PFKFB2: variants seen among roughly 807,000 people sequenced by gnomAD.
The protein encoded by PFKFB2 is 6-phosphofructo-2-kinase/fructose-2,6-biphosphatase 2.
In PFKFB2, 53 loss-of-function variants were observed where a neutral mutation model predicts 68.0. The observed-to-expected ratio is 0.78, with a 90% confidence interval of 0.63 to 0.98. The LOEUF (loss-of-function observed/expected upper bound fraction) is 0.98, where lower values mean the gene tolerates loss of function less well. Ranked by LOEUF, PFKFB2 falls within the 50% of genes least tolerant of loss-of-function variation. PFKFB2 has a pLI of 0.00. For synonymous variants in PFKFB2, 222 were observed against 227.6 expected, an observed-to-expected ratio of 0.98 and a Z score of 0.22; for missense variants, 451 against 642.0, an observed-to-expected ratio of 0.70 and a Z score of 3.22.
At chr1:207,049,006 C>T, upstream of PFKFB2, 1 of 1,606,992 alleles carries the variant, frequency 6.2e-7, no homozygotes, top group Non-Finnish European at 8.5e-7. Flanking sequence ...CTTCAACCCT[C>T]ATTCATGCAT....
upstream of PFKFB2, chr1:207,048,975 C>G: frequency 6.4e-7 from 1 of 1,556,040 alleles, no homozygotes; most frequent in Non-Finnish European, 8.7e-7. Flanking sequence ...CCAGAGCCTT[C>G]TGGATGTGTG....
At chr1:207,039,636 A>G (rs541917963) in intron 1 of PFKFB2, among the ~76,000 whole-genome samples, 1 of 152,244 alleles carries the variant, frequency 6.6e-6, no homozygotes, top group South Asian at 2.1e-4. Context: ...CCAAGATTAC[A>G]TGTTTTAAAA....
downstream of PFKFB2, chr1:207,078,915 G>A (rs1292919584): frequency 1.3e-6 from 2 of 1,557,278 alleles, no homozygotes; most frequent in Non-Finnish European, 1.8e-6. Context: ...GCTTGGCAGT[G>A]CTGTAATAGC....
rs1326125807 is a variant in PFKFB2, at chr1:207,054,796, A to C, written c.79A>C (p.Lys27Gln). ...KTPNLRMSEK[K>Q]CSWASYMTNS... is the part of the protein sequence containing the mutation. ...CCCAAATCTTCGAATGTCAGAGAAG[A>C]AATGTTGTGAGTTCTGGCAGAGAGG... is the stretch of plus-strand genomic sequence containing the variant. The change falls in exon 2 of 15, where the codon AAA (lysine) becomes CAA (glutamine). Residue 27 changes from lysine to glutamine, a missense_variant. Transcript: ENST00000367080. The C allele has an allele frequency of 6.2e-7, 1 of 1,611,672 alleles. No individual in the cohort carries two copies. The highest frequency in any genetic ancestry group is 1.1e-5 in the South Asian group (1 of 90,700).
Position 207,077,041 on chromosome 1 carries a change from A to G in PFKFB2, c.*4670A>G, listed in dbSNP as rs1371388081. On this transcript the variant is annotated 3_prime_UTR_variant, in exon 15 of 15. Coordinates refer to ENST00000367080, the MANE Select transcript of PFKFB2 (RefSeq NM_006212.2). ...AGTGGCCAAATTCTCATTATTTTGT[A>G]CAAGATAAAGGTTATGCATCACTTT... 1.0e-6 allele frequency: 1 copy of G among 984,510 alleles called. No homozygotes were observed. The highest frequency in any genetic ancestry group is 1.2e-6 in the Non-Finnish European group (1 of 829,172). The allele number at this position is 984,510 out of a possible 1,614,324, so 61.0% of individuals were successfully genotyped here.
At chr1:207,054,826 A>G in intron 2 of PFKFB2, 24 bp downstream of exon 2, 1 of 1,487,824 alleles carries the variant, frequency 6.7e-7, no homozygotes. Flanking sequence ...GAGAGGAGGG[A>G]CTGCTCTCTC....
chr1:207,068,394 C>G (rs1683365321), intron 10 of PFKFB2, 85 bp downstream of exon 10: 1 of 1,182,566 alleles, frequency 8.5e-7, no homozygotes, highest in East Asian at 2.6e-5. Flanking sequence ...ACAGTTTTAT[C>G]TAGGAAACTA....
At position 207,072,991 on chromosome 1, in the gene PFKFB2, C is replaced by T; in HGVS notation, c.*620C>T. 1.0e-6 allele frequency: 1 copy of T among 985,538 alleles called. No homozygotes were observed. The highest frequency in any genetic ancestry group is 1.2e-6 in the Non-Finnish European group (1 of 830,060). The allele number at this position is 985,538 out of a possible 1,614,324, so 61.0% of individuals were successfully genotyped here. On this transcript the variant is annotated 3_prime_UTR_variant, in exon 15 of 15. Transcript: ENST00000367080. ...CTTTCTGCAGTGGGTCTAAATGGAT[C>T]TGGACTGGAGGAGTCTTTCCTTTCC... is the stretch of plus-strand genomic sequence containing the variant.
chr1:207,075,364 C>A lies in PFKFB2; in HGVS notation c.*2993C>A. 1.0e-6 allele frequency: 1 copy of A among 985,416 alleles called. No homozygotes were observed. The highest frequency in any genetic ancestry group is 1.2e-6 in the Non-Finnish European group (1 of 829,924). 61.0% of individuals were successfully genotyped at this position (985,416 alleles called of 1,614,324 possible). ...CTTCAGCATCCTTTAGTTTCTAAAG[C>A]AAGATCCCTTCAGAGAAGTCTAGCA... On this transcript the variant is annotated 3_prime_UTR_variant, in exon 15 of 15. Transcript: ENST00000367080.
intron 11 of PFKFB2, 38 bp downstream of exon 11, chr1:207,069,566 C>T (rs1683405729): frequency 7.7e-7 from 1 of 1,299,330 alleles, no homozygotes; most frequent in African/African-American, 1.5e-5. Flanking sequence ...CTGCCTAGAC[C>T]CTTGCTGAGT....
intron 7 of PFKFB2, among the ~76,000 whole-genome samples, chr1:207,064,659 C>A (rs1417013045): frequency 1.3e-5 from 2 of 152,156 alleles, no homozygotes; most frequent in African/African-American, 4.8e-5. Context: ...TGAGGAAGAG[C>A]CATCTGGTCC....
Position 207,073,905 on chromosome 1 carries a change from T to G in PFKFB2, c.*1534T>G. 1 of 985,352 alleles carries G rather than the reference T, an allele frequency of 1.0e-6. No individual in the cohort carries two copies. The highest frequency in any genetic ancestry group is 1.2e-6 in the Non-Finnish European group (1 of 829,828). 61.0% of individuals were successfully genotyped at this position (985,352 alleles called of 1,614,324 possible). A position where few individuals can be genotyped will look rare whatever the true frequency, so the allele number is the denominator to read the frequency against. On this transcript the variant is annotated 3_prime_UTR_variant, in exon 15 of 15. Coordinates refer to ENST00000367080, the MANE Select transcript of PFKFB2 (RefSeq NM_006212.2). ...AGATAGGTGACTCCCCACCTTAAAG[T>G]TATCTGCTGGTCTTTTAGAGGTAAC...
At position 207,074,852 on chromosome 1, in the gene PFKFB2, C is replaced by T; in HGVS notation, c.*2481C>T. 1 of 985,444 alleles carries T rather than the reference C, an allele frequency of 1.0e-6. No homozygotes were observed. The highest frequency in any genetic ancestry group is 1.2e-6 in the Non-Finnish European group (1 of 829,942). The allele number at this position is 985,444 out of a possible 1,614,324, so 61.0% of individuals were successfully genotyped here. ...GTGTTCAACCATCACATCGCTTCTC[C>T]TGACTTTTCTGTTGTCCTATGGCTA... On this transcript the variant is annotated 3_prime_UTR_variant, in exon 15 of 15. Transcript: ENST00000367080.
chr1:207,069,488 G>A lies in PFKFB2; in HGVS notation c.1052G>A (p.Arg351Gln), dbSNP rs1483577508. ...CGGTACCCAGAAGAGTTTGCACTTCGAGATCAAGAGAAGTATCTGTATCGA... is the reference window on the plus strand; with the variant it reads ...CGGTACCCAGAAGAGTTTGCACTTCAAGATCAAGAGAAGTATCTGTATCGA... ...EKRYPEEFAL[R>Q]DQEKYLYRYP... The change falls in exon 11 of 15, where the codon CGA (arginine) becomes CAA (glutamine). Residue 351 changes from arginine to glutamine, a missense_variant. Coordinates refer to ENST00000367080, the MANE Select transcript of PFKFB2 (RefSeq NM_006212.2). The A allele has an allele frequency of 1.2e-6, 2 of 1,613,568 alleles. No homozygotes were observed. The highest frequency in any genetic ancestry group is 1.7e-5 in the Admixed American group (1 of 59,996).
At position 207,062,664 on chromosome 1, in the gene PFKFB2, A is replaced by C. The variant is rs1683152997; in HGVS notation, c.256A>C (p.Lys86Gln). Residue 86 changes from lysine to glutamine, a missense_variant, in exon 4 of 15, where the codon AAG (lysine) becomes CAG (glutamine). Physicochemically the swap from Lys to Gln is moderately conservative, Grantham distance 53 (BLOSUM62 1). Coordinates refer to ENST00000367080, the MANE Select transcript of PFKFB2 (RefSeq NM_006212.2). ...TCGGCGTGAAGCAGTCAAGTCCTAT[A>C]AGTCCTACGACTTCTTTCGGCATGA... ...VYRREAVKSY[K>Q]SYDFFRHDNE... is the part of the protein sequence containing the mutation. 1.9e-6 allele frequency: 3 copies of C among 1,614,004 alleles called. No homozygotes were observed. Among genetic ancestry groups the C allele is most frequent in the Non-Finnish European group, 2.5e-6 (3 of 1,180,022 alleles).
chr1:207,038,863 C>T (rs987483872), intron 1 of PFKFB2, among the ~76,000 whole-genome samples: 18 of 152,042 alleles, frequency 1.2e-4, no homozygotes, highest in African/African-American at 4.4e-4. Flanking sequence ...CAAATTATAC[C>T]CACCACCTAG....
upstream of PFKFB2, chr1:207,050,743 C>G (rs900231254): frequency 6.2e-7 from 1 of 1,613,378 alleles, no homozygotes; most frequent in Non-Finnish European, 8.5e-7. Flanking sequence ...GATCCAGGCA[C>G]TCGGGAGGGT....
rs975145665 is a variant in PFKFB2, at chr1:207,070,467, T to C, written c.1222+58T>C. ...CAGTGGGAGAGGGCTGGACTTGCAG[T>C]GGCACCAGGATTCCTGGGAAACAGA... On this transcript the variant is annotated intron_variant, in intron 12 of 14. Transcript: ENST00000367080. This position sits in a 1 kb window ranked among gnomAD's most constrained non-coding sequence, Gnocchi z 4.2. 2.5e-6 allele frequency: 4 copies of C among 1,579,260 alleles called. No homozygotes were observed. The highest frequency in any genetic ancestry group is 3.5e-6 in the Non-Finnish European group (4 of 1,156,770).
In PFKFB2 at chr1:207,073,222, A is replaced by G. The variant is rs1683520239; in HGVS notation, c.*851A>G. On this transcript the variant is annotated 3_prime_UTR_variant, in exon 15 of 15. Coordinates refer to ENST00000367080, the MANE Select transcript of PFKFB2 (RefSeq NM_006212.2). The stretch of plus-strand genomic sequence containing the variant: ...TGGTTTTTATTTTTAATTTAGAGTC[A>G]GGCCTGGGTCTTTTGAGGTCTGCAG... The G allele has an allele frequency of 3.0e-6, 3 of 985,412 alleles. No individual in the cohort carries two copies. The highest frequency in any genetic ancestry group is 6.1e-5 in the Admixed American group (1 of 16,274). The allele number at this position is 985,412 out of a possible 1,614,324, so 61.0% of individuals were successfully genotyped here.
Sources: gnomAD v4.1 joint callset for allele counts (sites outside exome capture counted in the v4.1 genomes callset) on GRCh38, gnomAD v4.1.1 for gene constraint, Gnocchi (gnomAD v3.1) non-coding constraint, MANE v1.5 for transcripts, NCBI Gene and HGNC (gene_info 2026-07-23, HGNC 2026-07-21) for gene names.